Variants in CTNNA3 observed in about 807,000 individuals in gnomAD.
CTNNA3 encodes catenin alpha-3.
Under a neutral mutation model 95.7 loss-of-function variants are expected in CTNNA3, and 76 were observed. The ratio of observed to expected loss-of-function variants is 0.79; its 90% CI spans 0.66 to 0.96. The LOEUF (loss-of-function observed/expected upper bound fraction) is 0.96, where lower values mean the gene tolerates loss of function less well. Among genes scored for constraint, CTNNA3 ranks in the 40% least tolerant of loss-of-function variants. The probability of loss-of-function intolerance (pLI) is 0.00; values close to 1 mark genes in which losing one functional copy is unlikely to be tolerated. For missense variants in CTNNA3, 1,191 were observed against 1,089.8 expected, an observed-to-expected ratio of 1.09 and a Z score of -1.31; for synonymous variants, 431 against 374.4, an observed-to-expected ratio of 1.15 and a Z score of -1.74.
At chr10:67,459,931 A>C (rs998665653) in intron 5 of CTNNA3, among the ~76,000 whole-genome samples, 3 of 152,176 alleles carry the variant, frequency 2.0e-5, no homozygotes, top group African/African-American at 2.4e-5. Context: ...CTCTCTTGAA[A>C]CATTGTATAT....
intron 16 of CTNNA3, among the ~76,000 whole-genome samples, chr10:65,967,996 A>C (rs1195616248): frequency 6.6e-6 from 1 of 152,212 alleles, no homozygotes; most frequent in East Asian, 1.9e-4. Flanking sequence ...CAGTATCAAG[A>C]AAATAGAGTT....
intron 2 of CTNNA3, among the ~76,000 whole-genome samples, chr10:67,613,195 C>T (rs1384091986): frequency 2.6e-5 from 4 of 152,142 alleles, no homozygotes; most frequent in Non-Finnish European, 5.9e-5. Context: ...TCCCTCCCCT[C>T]ACAGCTCCTT....
intron 1 of CTNNA3, among the ~76,000 whole-genome samples, chr10:67,710,647 G>C (rs934329752): frequency 7.2e-5 from 11 of 152,156 alleles, no homozygotes; most frequent in African/African-American, 2.7e-4. Context: ...AAATGGGCCA[G>C]AACTTGGACC....
At chr10:66,596,264 C>A (rs936897014) in intron 10 of CTNNA3, among the ~76,000 whole-genome samples, 3 of 152,102 alleles carry the variant, frequency 2.0e-5, no homozygotes, top group Non-Finnish European at 4.4e-5. Context: ...CTACCCATGA[C>A]CCCTGTGGAC....
At chr10:66,985,270 G>GCT (rs1292604222) in intron 7 of CTNNA3, among the ~76,000 whole-genome samples, 1 of 152,170 alleles carries the variant, frequency 6.6e-6, no homozygotes, top group Non-Finnish European at 1.5e-5. Flanking sequence ...TTGTTATAAA[G>GCT]TTTAACAATA....
At chr10:67,738,212 G>T (rs192389435) in intron 1 of CTNNA3, among the ~76,000 whole-genome samples, 2 of 152,290 alleles carry the variant, frequency 1.3e-5, no homozygotes, top group Admixed American at 1.3e-4. Flanking sequence ...GTCCCTCTGG[G>T]ACAAAGCTTC....
At chr10:67,140,621 A>G (rs1440340777) in intron 7 of CTNNA3, among the ~76,000 whole-genome samples, 1 of 152,264 alleles carries the variant, frequency 6.6e-6, no homozygotes, top group East Asian at 1.9e-4. Flanking sequence ...GCTAAAATGT[A>G]TGAAAAGCAA....
At chr10:67,750,441 A>G (rs557510865) in intron 1 of CTNNA3, 90 of 1,492,432 alleles carry the variant, frequency 6.0e-5, no homozygotes, top group South Asian at 4.7e-4. Flanking sequence ...CAGAATGAAC[A>G]TGAGGTGGGG....
chr10:67,005,682 C>CTTGTTTTTTTTTTT (rs1851927171), intron 7 of CTNNA3, among the ~76,000 whole-genome samples: 1 of 61,976 alleles, frequency 1.6e-5, no homozygotes, highest in Non-Finnish European at 2.9e-5. Context: ...TTTACTCCAT[C>CTTGTTTTTTTTTTT]TTTTTTTTTT....
chr10:66,692,614 C>T, intron 9 of CTNNA3, among the ~76,000 whole-genome samples: 1 of 152,060 alleles, frequency 6.6e-6, no homozygotes, highest in Non-Finnish European at 1.5e-5. Flanking sequence ...ACAGAGGACA[C>T]CACAAAGACA....
At chr10:66,987,812 T>G (rs1304080310) in intron 7 of CTNNA3, among the ~76,000 whole-genome samples, 2 of 152,200 alleles carry the variant, frequency 1.3e-5, no homozygotes, top group African/African-American at 4.8e-5. Flanking sequence ...CAAAGATGGA[T>G]TTTGATCCAG....
intron 11 of CTNNA3, among the ~76,000 whole-genome samples, chr10:66,444,673 A>C (rs1462684242): frequency 5.9e-5 from 9 of 152,196 alleles, no homozygotes; most frequent in Non-Finnish European, 1.2e-4. Flanking sequence ...TCCTGAAGGA[A>C]GCACTAAACA....
At chr10:66,536,419 T>C (rs1308124429) in intron 10 of CTNNA3, among the ~76,000 whole-genome samples, 2 of 148,058 alleles carry the variant, frequency 1.4e-5, no homozygotes, top group Non-Finnish European at 3.0e-5. Flanking sequence ...GAGGCAGAGA[T>C]TGCAATGAGC....
At chr10:67,295,184 T>C (rs376941383) in intron 5 of CTNNA3, among the ~76,000 whole-genome samples, 5 of 152,242 alleles carry the variant, frequency 3.3e-5, no homozygotes, top group African/African-American at 1.2e-4. Context: ...AAGTGGTTCA[T>C]GATCACTAAT....
At chr10:66,946,642 G>C (rs909830379) in intron 7 of CTNNA3, among the ~76,000 whole-genome samples, 1 of 152,066 alleles carries the variant, frequency 6.6e-6, no homozygotes, top group Admixed American at 6.6e-5. Context: ...CATAAAGCAT[G>C]TACTTTTGAG....
At chr10:66,291,009 C>A (rs2091671872) in intron 12 of CTNNA3, among the ~76,000 whole-genome samples, 1 of 152,074 alleles carries the variant, frequency 6.6e-6, no homozygotes, top group Admixed American at 6.6e-5. Flanking sequence ...AATATGATAA[C>A]CTATATGACA....
At chr10:66,362,017 C>T (rs562113831) in intron 12 of CTNNA3, among the ~76,000 whole-genome samples, 4 of 151,452 alleles carry the variant, frequency 2.6e-5, no homozygotes, top group East Asian at 2.0e-4. Flanking sequence ...GTGACATATG[C>T]AGCTTTAACT....
At chr10:67,284,003 T>A (rs1228772289) in intron 5 of CTNNA3, among the ~76,000 whole-genome samples, 1 of 152,182 alleles carries the variant, frequency 6.6e-6, no homozygotes, top group Non-Finnish European at 1.5e-5. Flanking sequence ...TATTAATCAA[T>A]CTGCCTCACG....
At chr10:66,633,405 G>T (rs1418644282) in intron 9 of CTNNA3, among the ~76,000 whole-genome samples, 2 of 152,170 alleles carry the variant, frequency 1.3e-5, no homozygotes, top group African/African-American at 2.4e-5. Context: ...ACATGACCAG[G>T]TGCAGTGGCT....
Sources: allele counts gnomAD v4.1 joint callset (sites outside exome capture counted in the v4.1 genomes callset), GRCh38; gene constraint gnomAD v4.1.1; transcripts MANE v1.5; gene names NCBI Gene and HGNC (gene_info 2026-07-23, HGNC 2026-07-21).